Variants in CNNM2 observed in about 807,000 individuals in gnomAD.
CNNM2 encodes metal transporter CNNM2.
In CNNM2, 12 loss-of-function variants were observed where a neutral mutation model predicts 66.9. The observed-to-expected ratio is 0.18, with a 90% confidence interval of 0.11 to 0.29. CNNM2 has a LOEUF of 0.29. Ranked by LOEUF, CNNM2 falls within the 10% of genes least tolerant of loss-of-function variation. The pLI, the probability that CNNM2 is intolerant of heterozygous loss-of-function variation, is 1.00. For synonymous variants in CNNM2, 557 were observed against 501.8 expected (o/e 1.11, Z -1.47); for missense variants, 705 against 1,167.7 (o/e 0.60, Z 5.77).
chr10:103,071,790 T>C lies in CNNM2; in HGVS notation c.2184T>C (p.Ser728=). 1 of 1,614,000 alleles carries C rather than the reference T, an allele frequency of 6.2e-7. No individual in the cohort carries two copies. The highest frequency in any genetic ancestry group is 8.5e-7 in the Non-Finnish European group (1 of 1,179,864). Residue 728 remains serine, a synonymous_variant, in exon 6 of 8, where the codon TCT becomes TCC. Coordinates refer to ENST00000369878, the MANE Select transcript of CNNM2 (RefSeq NM_017649.5). ...ATTTTTCAGTTCCTTTGTCCCTGTC[T>C]CGTACCTTTGTTGTCAGCAGAACAG... ...LTASPVPLSL[S]RTFVVSRTEL...
chr10:102,921,985 G>T (rs889254656), intron 1 of CNNM2, among the ~76,000 whole-genome samples: 2 of 152,084 alleles, frequency 1.3e-5, no homozygotes, highest in Non-Finnish European at 2.9e-5. Context: ...ATTTTTCTAT[G>T]ATGGATTTAT....
At chr10:102,977,831 A>T (rs1316181383) in intron 1 of CNNM2, among the ~76,000 whole-genome samples, 2 of 152,140 alleles carry the variant, frequency 1.3e-5, no homozygotes, top group African/African-American at 4.8e-5. Flanking sequence ...AAGTAGGTGA[A>T]CAGGAGGAAT....
rs1460312715 is a variant in CNNM2 at position 102,919,163 on chromosome 10, G to C, written c.683G>C (p.Trp228Ser). 6.2e-7 allele frequency: 1 copy of C among 1,610,782 alleles called. No individual in the cohort carries two copies. The highest frequency in any genetic ancestry group is 8.5e-7 in the Non-Finnish European group (1 of 1,179,832). ...GTGGCCGGGCTCCCGCCGCCCCCGT[G>C]GGCCGAGACCACCTGGATTTACCAC... The part of the protein sequence containing the change: ...SGVAGLPPPP[W>S]AETTWIYHDG... Residue 228 changes from tryptophan (W) to serine (S), a missense_variant, in exon 1 of 8, where the codon TGG (tryptophan) becomes TCG (serine). Coordinates refer to ENST00000369878, the MANE Select transcript of CNNM2 (RefSeq NM_017649.5).
chr10:103,066,491 C>T (rs550107075), intron 4 of CNNM2, among the ~76,000 whole-genome samples: 1 of 152,290 alleles, frequency 6.6e-6, no homozygotes, highest in African/African-American at 2.4e-5. Flanking sequence ...TTCCTCCACC[C>T]AGGACCCAAC....
chr10:102,998,640 G>T (rs1007145063), intron 1 of CNNM2, among the ~76,000 whole-genome samples: 1 of 152,118 alleles, frequency 6.6e-6, no homozygotes, highest in African/African-American at 2.4e-5. Flanking sequence ...ATTCACAGGT[G>T]ACACGATCTT....
rs1238443341 is a variant in CNNM2 at position 103,078,526 on chromosome 10, A to AATTC, written c.*1348_*1349insTCAT. ...TTTATGTGTGTCTCCGTCTTATTTT[A>AATTC]ATACCAAATTCATCATGTAGTGAAA... On this transcript the variant is annotated 3_prime_UTR_variant, in exon 8 of 8. Transcript: ENST00000369878. 2.6e-5 allele frequency: 4 copies of AATTC among 152,278 alleles called. No individual in the cohort carries two copies. The highest frequency in any genetic ancestry group is 5.9e-5 in the Non-Finnish European group (4 of 68,048). The allele number at this position is 152,278 out of a possible 1,614,324, so 9.4% of individuals were successfully genotyped here. A position where few individuals can be genotyped will look rare whatever the true frequency, so the allele number is the denominator to read the frequency against.
At position 103,079,224 on chromosome 10, in the gene CNNM2, T is replaced by A. The variant is rs980028548; in HGVS notation, c.*2044T>A. On this transcript the variant is annotated 3_prime_UTR_variant, in exon 8 of 8. Transcript: ENST00000369878. ...CTGAGCACAACACCAGTGTGATGAGTGTATAAAGATGAGGGGTCCTTGCAA... is the reference window on the plus strand; with the variant it reads ...CTGAGCACAACACCAGTGTGATGAGAGTATAAAGATGAGGGGTCCTTGCAA... 2 of 151,828 alleles carry A rather than the reference T, an allele frequency of 1.3e-5. No homozygotes were observed. 9.4% of individuals were successfully genotyped at this position (151,828 alleles called of 1,614,324 possible).
rs1030747445 is a variant in CNNM2, at chr10:102,945,929, C to T, written c.1621+25828C>T. On this transcript the variant is annotated intron_variant, in intron 1 of 7. Transcript: ENST00000369878. ...AGGTGCTCAGTCGATATTTGCTTTACCTGTAAAGCTACTTCATCTCTGTGG... is the reference window on the plus strand; with the variant it reads ...AGGTGCTCAGTCGATATTTGCTTTATCTGTAAAGCTACTTCATCTCTGTGG... Among the ~76,000 whole-genome samples the T allele has an allele frequency of 7.9e-5, 12 of 151,988 alleles. No individual in the cohort carries two copies. In the South Asian group the frequency reaches 1.3e-3, roughly 16 times the overall value.
intron 1 of CNNM2, among the ~76,000 whole-genome samples, chr10:102,991,633 A>G (rs1347858522): frequency 6.6e-6 from 1 of 152,198 alleles, no homozygotes; most frequent in East Asian, 1.9e-4. Context: ...CTGAAGGAGT[A>G]GAGGGAAGGC....
At chr10:102,996,639 G>A (rs558291972) in intron 1 of CNNM2, among the ~76,000 whole-genome samples, 1 of 152,300 alleles carries the variant, frequency 6.6e-6, no homozygotes, top group East Asian at 1.9e-4. Context: ...AGCTGTGATT[G>A]CCCTACTATA....
At chr10:102,931,433 C>T (rs554933984) in intron 1 of CNNM2, among the ~76,000 whole-genome samples, 3 of 151,170 alleles carry the variant, frequency 2.0e-5, no homozygotes, top group African/African-American at 4.9e-5. Context: ...CTCACCTCAC[C>T]GCAACCTCCG....
chr10:103,036,683 T>TTC (rs1361598169), intron 1 of CNNM2, among the ~76,000 whole-genome samples: 1 of 152,188 alleles, frequency 6.6e-6, no homozygotes, highest in Non-Finnish European at 1.5e-5. Context: ...TGGCTAATCT[T>TTC]TGTCAGGATT....
chr10:103,066,573 A>G (rs1426499784), intron 4 of CNNM2, among the ~76,000 whole-genome samples: 6 of 151,746 alleles, frequency 4.0e-5, no homozygotes, highest in African/African-American at 1.5e-4. Context: ...CTCCCTGCAA[A>G]CACAGAGCCT....
At chr10:103,009,939 CTTTT>C (rs10572558) in intron 1 of CNNM2, among the ~76,000 whole-genome samples, 4 of 147,026 alleles carry the variant, frequency 2.7e-5, no homozygotes, top group Admixed American at 6.8e-5. Flanking sequence ...AAATTTAAGA[CTTTT>C]TTTTTTTTTC....
Position 103,089,465 on chromosome 10 carries a change from A to T in CNNM2, c.*12285A>T, listed in dbSNP as rs1449770745. ...CTTATTTTCTTCTAATACAGACTCC[A>T]TTACAATTTTGGACCATCTGCAGAG... On this transcript the variant is annotated 3_prime_UTR_variant, in exon 8 of 8. Transcript: ENST00000369878. The T allele has an allele frequency of 2.6e-6, 2 of 778,554 alleles. No homozygotes were observed. Among genetic ancestry groups the T allele is most frequent in the East Asian group, 6.2e-5 (2 of 32,438 alleles). 48.2% of individuals were successfully genotyped at this position (778,554 alleles called of 1,614,324 possible). A position where few individuals can be genotyped will look rare whatever the true frequency, so the allele number is the denominator to read the frequency against.
At chr10:103,045,005 G>A (rs371193808) in intron 1 of CNNM2, among the ~76,000 whole-genome samples, 4 of 152,146 alleles carry the variant, frequency 2.6e-5, no homozygotes, top group Non-Finnish European at 5.9e-5. Flanking sequence ...TGAGAATAGC[G>A]CCTCAGTGGA....
chr10:102,949,991 A>G (rs1846767994), intron 1 of CNNM2, among the ~76,000 whole-genome samples: 1 of 152,184 alleles, frequency 6.6e-6, no homozygotes. Flanking sequence ...TATAAAAGAT[A>G]CCTAAAGCAC....
intron 4 of CNNM2, among the ~76,000 whole-genome samples, chr10:103,068,021 C>A (rs2065510373): frequency 6.6e-6 from 1 of 152,222 alleles, no homozygotes; most frequent in African/African-American, 2.4e-5. Flanking sequence ...GGCCACAAAC[C>A]ATGTCGGCCC....
intron 1 of CNNM2, among the ~76,000 whole-genome samples, chr10:102,963,075 G>C (rs1336213673): frequency 6.6e-6 from 1 of 152,158 alleles, no homozygotes; most frequent in Non-Finnish European, 1.5e-5. Flanking sequence ...GCTTGCATCT[G>C]AAATCATATG....
Sources: gnomAD v4.1 joint callset for allele counts (sites outside exome capture counted in the v4.1 genomes callset) on GRCh38, gnomAD v4.1.1 for gene constraint, MANE v1.5 for transcripts, NCBI Gene and HGNC (gene_info 2026-07-23, HGNC 2026-07-21) for gene names.